Variants in KCNK2 observed in about 807,000 individuals in gnomAD.
KCNK2 encodes potassium two pore domain channel subfamily K member 2, also known as potassium channel subfamily K member 2.
A neutral mutation model predicts 40.5 loss-of-function variants in KCNK2; 21 were observed. The observed-to-expected ratio is 0.52, with a 90% CI of 0.37 to 0.75. KCNK2 has a LOEUF of 0.75. KCNK2 is among the 30% of genes least tolerant of loss of function. KCNK2 has a pLI of 0.00. For synonymous variants in KCNK2, 191 were observed against 202.2 expected, an observed-to-expected ratio of 0.94 and a Z score of 0.47; for missense variants, 399 against 531.6, an observed-to-expected ratio of 0.75 and a Z score of 2.45.
At chr1:215,006,612 A>C (rs896711803) in intron 1 of KCNK2, among the ~76,000 whole-genome samples, 3 of 152,146 alleles carry the variant, frequency 2.0e-5, no homozygotes, top group Non-Finnish European at 2.9e-5. Context: ...AGAAATGTGA[A>C]TAAAACTCAT....
chr1:215,008,788 A>G (rs1028627336), intron 1 of KCNK2, among the ~76,000 whole-genome samples: 3 of 152,144 alleles, frequency 2.0e-5, no homozygotes, highest in African/African-American at 7.2e-5. Flanking sequence ...TCTCCACCTA[A>G]TAGATTTCTA....
intron 1 of KCNK2, among the ~76,000 whole-genome samples, chr1:215,072,255 T>G (rs918743449): frequency 6.6e-6 from 1 of 152,160 alleles, no homozygotes; most frequent in African/African-American, 2.4e-5. Flanking sequence ...CGAGACTGGG[T>G]AATTTGTATA....
At chr1:215,177,256 C>T (rs1405392763) in intron 5 of KCNK2, among the ~76,000 whole-genome samples, 1 of 151,990 alleles carries the variant, frequency 6.6e-6, no homozygotes, top group African/African-American at 2.4e-5. Flanking sequence ...GGATGTTAGA[C>T]CTTTGTCAGA....
intron 3 of KCNK2, among the ~76,000 whole-genome samples, chr1:215,137,923 A>G (rs1662001075): frequency 6.6e-6 from 1 of 152,220 alleles, no homozygotes; most frequent in African/African-American, 2.4e-5. Context: ...AAGAGCCTGA[A>G]ATCATGTTCT....
At chr1:215,014,962 C>T (rs1037438796) in intron 1 of KCNK2, among the ~76,000 whole-genome samples, 5 of 152,040 alleles carry the variant, frequency 3.3e-5, no homozygotes, top group South Asian at 2.1e-4. Flanking sequence ...CTCTAAACTC[C>T]GAAATTAGAG....
intron 2 of KCNK2, among the ~76,000 whole-genome samples, chr1:215,121,162 CT>C (rs1465528193): frequency 1.7e-4 from 26 of 152,306 alleles, no homozygotes; most frequent in African/African-American, 6.0e-4. Context: ...GCATTGCTTA[CT>C]TTGGTTTTCC....
At chr1:215,146,489 A>G (rs763244243) in intron 3 of KCNK2, among the ~76,000 whole-genome samples, 9 of 152,182 alleles carry the variant, frequency 5.9e-5, no homozygotes, top group Non-Finnish European at 1.2e-4. Context: ...TTTCTGGGCC[A>G]AGAGGAAGTT....
At chr1:215,155,583 G>A (rs1401915142) in intron 3 of KCNK2, among the ~76,000 whole-genome samples, 4 of 152,104 alleles carry the variant, frequency 2.6e-5, no homozygotes, top group African/African-American at 9.6e-5. Flanking sequence ...GCAGTGGCGC[G>A]ATCTCGGCTC....
intron 2 of KCNK2, 89 bp from the exon 3 acceptor site, chr1:215,124,544 C>A: frequency 1.3e-6 from 1 of 799,112 alleles, no homozygotes. Context: ...TTCTCTTTGT[C>A]AAATAAGTCA....
intron 3 of KCNK2, among the ~76,000 whole-genome samples, chr1:215,162,912 C>T (rs1663270492): frequency 6.6e-6 from 1 of 151,050 alleles, no homozygotes; most frequent in Non-Finnish European, 1.5e-5. Context: ...GCTATATGGG[C>T]TTCTTTTTGG....
At chr1:215,008,623 G>A (rs143608401) in intron 1 of KCNK2, among the ~76,000 whole-genome samples, 4 of 152,114 alleles carry the variant, frequency 2.6e-5, no homozygotes, top group African/African-American at 4.8e-5. Flanking sequence ...CAACTTTTTG[G>A]TAGATAGTAA....
At chr1:215,077,460 A>C (rs1658984278) in intron 1 of KCNK2, among the ~76,000 whole-genome samples, 1 of 152,186 alleles carries the variant, frequency 6.6e-6, no homozygotes, top group African/African-American at 2.4e-5. Context: ...CCTGGGCTAA[A>C]GCAATAATGT....
intron 3 of KCNK2, among the ~76,000 whole-genome samples, chr1:215,157,445 A>G (rs1662982452): frequency 1.3e-5 from 2 of 152,178 alleles, no homozygotes; most frequent in Non-Finnish European, 2.9e-5. Context: ...CTTGAAGATT[A>G]TGCGTCATTA....
At chr1:215,007,545 T>C (rs1468105716) in intron 1 of KCNK2, among the ~76,000 whole-genome samples, 2 of 151,990 alleles carry the variant, frequency 1.3e-5, no homozygotes, top group Admixed American at 1.3e-4. Flanking sequence ...CTCCATCTTA[T>C]CTTGTGCCAG....
chr1:215,073,819 C>T (rs1658840464), intron 1 of KCNK2, among the ~76,000 whole-genome samples: 1 of 152,048 alleles, frequency 6.6e-6, no homozygotes, highest in South Asian at 2.1e-4. Flanking sequence ...CATGGTAAGC[C>T]CTTGATAGAT....
At chr1:215,124,610 T>G (rs759863551) in intron 2 of KCNK2, 23 bp from the exon 3 acceptor site, 1 of 1,397,362 alleles carries the variant, frequency 7.2e-7, no homozygotes, top group South Asian at 1.2e-5. Flanking sequence ...TGTGTACTGA[T>G]AAATTTCTTT....
chr1:215,192,897 A>G (rs982686517), intron 5 of KCNK2, among the ~76,000 whole-genome samples: 1 of 152,172 alleles, frequency 6.6e-6, no homozygotes, highest in Non-Finnish European at 1.5e-5. Context: ...GCCTATTCAA[A>G]TTATTTACCT....
At chr1:215,190,668 T>G (rs1193608252) in intron 5 of KCNK2, among the ~76,000 whole-genome samples, 1 of 151,976 alleles carries the variant, frequency 6.6e-6, no homozygotes, top group Non-Finnish European at 1.5e-5. Flanking sequence ...ACCATGAGAG[T>G]GATGGCAATT....
intron 3 of KCNK2, among the ~76,000 whole-genome samples, chr1:215,144,028 T>G (rs968192942): frequency 6.6e-6 from 1 of 152,150 alleles, no homozygotes; most frequent in African/African-American, 2.4e-5. Context: ...CTTGTAAATA[T>G]TGAATTAAGT....
Sources: allele counts gnomAD v4.1 joint callset (sites outside exome capture counted in the v4.1 genomes callset), GRCh38; gene constraint gnomAD v4.1.1; transcripts MANE v1.5; gene names NCBI Gene and HGNC (gene_info 2026-07-23, HGNC 2026-07-21).